Variants in ATE1 observed in about 807,000 individuals in gnomAD.
ATE1 encodes arginyl-tRNA--protein transferase 1.
A neutral mutation model predicts 70.5 loss-of-function variants in ATE1; 36 were observed. That is an observed-to-expected ratio of 0.51 (90% CI 0.39 to 0.67). ATE1 has a LOEUF of 0.67. ATE1 is among the 30% of genes least tolerant of loss of function. ATE1 has a pLI of 0.00. For synonymous variants in ATE1, 232 were observed against 219.3 expected (o/e 1.06, Z -0.51); for missense variants, 593 against 629.5 (o/e 0.94, Z 0.62).
chr10:121,822,677 G>A (rs925311442), intron 10 of ATE1, among the ~76,000 whole-genome samples: 1 of 152,132 alleles, frequency 6.6e-6, no homozygotes, highest in Non-Finnish European at 1.5e-5. Flanking sequence ...TCCGTGCACA[G>A]TACTCATAAC....
chr10:121,881,499 T>G (rs1950222332), intron 7 of ATE1, among the ~76,000 whole-genome samples: 2 of 152,080 alleles, frequency 1.3e-5, no homozygotes, highest in Admixed American at 1.3e-4. Context: ...ATACACGTAT[T>G]TTAATAGAAA....
At chr10:121,908,313 G>C (rs1241096979) in intron 5 of ATE1, among the ~76,000 whole-genome samples, 10 of 152,158 alleles carry the variant, frequency 6.6e-5, no homozygotes, top group African/African-American at 1.9e-4. Context: ...AGACCAGCCT[G>C]GCCAACATGG....
chr10:121,871,226 G>A (rs770610750), intron 7 of ATE1, among the ~76,000 whole-genome samples: 8 of 152,128 alleles, frequency 5.3e-5, no homozygotes, highest in Non-Finnish European at 1.2e-4. Flanking sequence ...AGGCCGAGGC[G>A]GGTGGATCAC....
Position 121,921,097 on chromosome 10 carries a change from CA to C in ATE1, c.233+1251del, listed in dbSNP as rs1415080658. Among the ~76,000 whole-genome samples the C allele has an allele frequency of 6.6e-5, 10 of 150,544 alleles. No individual in the cohort carries two copies. In the South Asian group the frequency reaches 1.5e-3, roughly 22 times the overall value. On this transcript the variant is annotated intron_variant, in intron 3 of 11. Coordinates refer to ENST00000224652, the MANE Select transcript of ATE1 (RefSeq NM_001001976.3). ...TTTTTTTCAACTTTTATTTTAGATT[CA>C]GGGGGTATAGGTACAGGCTGGTGAC...
At chr10:121,835,717 T>C (rs1410780313) in intron 10 of ATE1, among the ~76,000 whole-genome samples, 1 of 152,166 alleles carries the variant, frequency 6.6e-6, no homozygotes, top group Non-Finnish European at 1.5e-5. Flanking sequence ...CCTTATCTTT[T>C]AGAAATACAC....
chr10:121,888,321 G>C (rs758867178), intron 7 of ATE1, among the ~76,000 whole-genome samples: 2 of 152,106 alleles, frequency 1.3e-5, no homozygotes, highest in Admixed American at 6.5e-5. Flanking sequence ...ATGAACCTGG[G>C]AGGCAGAGCT....
chr10:121,835,212 T>C (rs1948388437), intron 10 of ATE1, among the ~76,000 whole-genome samples: 1 of 152,062 alleles, frequency 6.6e-6, no homozygotes, highest in South Asian at 2.1e-4. Context: ...CTCCCTACAA[T>C]GTACACTGAA....
chr10:121,885,747 A>G (rs1218370137), intron 7 of ATE1, among the ~76,000 whole-genome samples: 1 of 151,686 alleles, frequency 6.6e-6, no homozygotes, highest in African/African-American at 2.4e-5. Context: ...TAAAAATACA[A>G]AAATTAGCCG....
In ATE1 at chr10:121,903,666, G is replaced by A. The variant is rs923626077; in HGVS notation, c.584-1046C>T. On this transcript the variant is annotated intron_variant, in intron 5 of 11. Transcript: ENST00000224652. ...GGCACCACTGCACTCCAGCCTGGGC[G>A]ACAGAGTGAGACTCTGTCTCAAAAA... Among the ~76,000 whole-genome samples the A allele has an allele frequency of 2.0e-5, 3 of 151,970 alleles. 1 individual carries two copies. The highest frequency in any genetic ancestry group is 1.5e-5 in the Non-Finnish European group (1 of 67,996).
intron 11 of ATE1, among the ~76,000 whole-genome samples, chr10:121,788,523 G>T (rs1166600665): frequency 2.0e-5 from 3 of 152,094 alleles, no homozygotes; most frequent in African/African-American, 7.2e-5. Context: ...CATTACATGG[G>T]CCAATTTTTT....
intron 8 of ATE1, among the ~76,000 whole-genome samples, chr10:121,869,379 A>G (rs1949773189): frequency 6.6e-6 from 1 of 152,192 alleles, no homozygotes; most frequent in Non-Finnish European, 1.5e-5. Flanking sequence ...TTTTTCTGCA[A>G]ATGCAGCTCA....
chr10:121,785,130 T>C (rs1391603812), intron 11 of ATE1, among the ~76,000 whole-genome samples: 1 of 152,132 alleles, frequency 6.6e-6, no homozygotes, highest in Non-Finnish European at 1.5e-5. Context: ...TTATTAAGTA[T>C]TCAGCAAGCA....
chr10:121,886,563 C>T (rs1192543752), intron 7 of ATE1, among the ~76,000 whole-genome samples: 1 of 152,148 alleles, frequency 6.6e-6, no homozygotes, highest in Non-Finnish European at 1.5e-5. Context: ...CTCCCCGCCA[C>T]CTGAACTGAA....
At chr10:121,815,822 A>G (rs2133527918) in intron 10 of ATE1, among the ~76,000 whole-genome samples, 1 of 152,300 alleles carries the variant, frequency 6.6e-6, no homozygotes, top group South Asian at 2.1e-4. Context: ...CAACCTCAGC[A>G]TTAGTGACAT....
Position 121,790,029 on chromosome 10 carries a change from T to TAGAC in ATE1, c.1378+139_1378+140insGTCT. The TAGAC allele has an allele frequency of 3.4e-6, 3 of 888,204 alleles. No individual in the cohort carries two copies. In the South Asian group the frequency reaches 6.5e-5, roughly 19 times the overall value. 55.0% of individuals were successfully genotyped at this position (888,204 alleles called of 1,614,324 possible). A position where few individuals can be genotyped will look rare whatever the true frequency, so the allele number is the denominator to read the frequency against. Reference sequence around the variant, plus strand: ...GCATGTGCAAAGTCTTCCTCTATCTTACACACACACACACACTCATGCACA... The same window carrying TAGAC: ...GCATGTGCAAAGTCTTCCTCTATCTTAGACACACACACACACACACTCATGCACA... On this transcript the variant is annotated intron_variant, in intron 11 of 11. Coordinates refer to ENST00000224652, the MANE Select transcript of ATE1 (RefSeq NM_001001976.3).
intron 7 of ATE1, among the ~76,000 whole-genome samples, chr10:121,871,229 T>C (rs889056200): frequency 6.6e-6 from 1 of 151,900 alleles, no homozygotes; most frequent in African/African-American, 2.4e-5. Context: ...CCGAGGCGGG[T>C]GGATCACCTG....
intron 7 of ATE1, chr10:121,898,925 C>T (rs544632258): frequency 7.4e-6 from 12 of 1,613,782 alleles, no homozygotes; most frequent in Middle Eastern, 1.6e-4. Context: ...GGCTGAAAGA[C>T]GACTTGAACT....
chr10:121,881,380 T>C (rs891771517), intron 7 of ATE1, among the ~76,000 whole-genome samples: 1 of 152,104 alleles, frequency 6.6e-6, no homozygotes, highest in Non-Finnish European at 1.5e-5. Context: ...AGCTAACTTA[T>C]CAAAACGAGA....
intron 10 of ATE1, among the ~76,000 whole-genome samples, chr10:121,807,694 G>A (rs940998427): frequency 2.0e-5 from 3 of 152,138 alleles, no homozygotes; most frequent in Non-Finnish European, 4.4e-5. Context: ...CAAAAGAGTG[G>A]GTGAGTGGCA....
Sources: allele counts gnomAD v4.1 joint callset (sites outside exome capture counted in the v4.1 genomes callset), GRCh38; gene constraint gnomAD v4.1.1; transcripts MANE v1.5; gene names NCBI Gene and HGNC (gene_info 2026-07-23, HGNC 2026-07-21).